The following SMIM35 variants were observed in gnomAD, a reference collection of about 807,000 sequenced individuals.
The protein encoded by SMIM35 is small integral membrane protein 35, also known as TMPRSS4 antisense RNA 1 (non-protein coding).
intron 1 of SMIM35, among the ~76,000 whole-genome samples, chr11:118,086,221 C>G (rs749780859): frequency 1.3e-5 from 2 of 152,194 alleles, no homozygotes; most frequent in Non-Finnish European, 2.9e-5. Flanking sequence ...GAGCTATGCC[C>G]GAACACAAAA....
At chr11:118,048,962 A>AAAAAAAAAAAAAAAAAAG in intron 1 of SMIM35, among the ~76,000 whole-genome samples, 1 of 150,582 alleles carries the variant, frequency 6.6e-6, no homozygotes, top group Non-Finnish European at 1.5e-5. Context: ...AAAAAAAAAA[A>AAAAAAAAAAAAAAAAAAG]AAGCAAGTGA....
At chr11:118,034,542 G>A (rs1022259246) in intron 1 of SMIM35, among the ~76,000 whole-genome samples, 5 of 152,188 alleles carry the variant, frequency 3.3e-5, no homozygotes, top group Admixed American at 3.3e-4. Context: ...GGGCAACATG[G>A]CAAGACCCCC....
chr11:118,076,832 A>AG (rs375158397), intron 1 of SMIM35, among the ~76,000 whole-genome samples: 9 of 151,834 alleles, frequency 5.9e-5, no homozygotes, highest in Non-Finnish European at 1.2e-4. Flanking sequence ...AGGTAGGGGG[A>AG]GGGGGGGCGG....
chr11:118,010,587 T>C (rs2058144697), intron 4 of SMIM35, among the ~76,000 whole-genome samples: 1 of 152,134 alleles, frequency 6.6e-6, no homozygotes, highest in Admixed American at 6.5e-5. Context: ...ATGGAGGAAA[T>C]GTGGCCACCT....
intron 1 of SMIM35, among the ~76,000 whole-genome samples, chr11:118,054,231 C>T (rs1372014980): frequency 6.6e-6 from 1 of 150,562 alleles, no homozygotes; most frequent in Non-Finnish European, 1.5e-5. Context: ...AAATTTGGCT[C>T]CCTGAAAGTG....
At chr11:118,060,703 C>G (rs1392950386) in intron 1 of SMIM35, among the ~76,000 whole-genome samples, 2 of 152,156 alleles carry the variant, frequency 1.3e-5, no homozygotes, top group African/African-American at 2.4e-5. Flanking sequence ...CAGGGTGTCC[C>G]TCTGGCTGTT....
intron 1 of SMIM35, among the ~76,000 whole-genome samples, chr11:118,016,212 C>A (rs2058182160): frequency 1.3e-5 from 2 of 152,150 alleles, no homozygotes; most frequent in Admixed American, 6.5e-5. Context: ...TCAGTCCCCC[C>A]ACCCCTTTGC....
At position 118,049,628 on chromosome 11, in the gene SMIM35, C is replaced by T; in HGVS notation, c.8-33819G>A. ...CCTCCCAAAGTGCTGGGATTACAGG[C>T]ATGAGCCACCGCACCTGGCCCATCC... On this transcript the variant is annotated intron_variant, in intron 1 of 4. Transcript: ENST00000689828. Among the ~76,000 whole-genome samples, 2 of 152,090 alleles carry T rather than the reference C, an allele frequency of 1.3e-5. 1 individual carries two copies. The highest frequency in any genetic ancestry group is 6.3e-3 in the Middle Eastern group (2 of 316).
chr11:118,012,086 A>T (rs919797496), intron 4 of SMIM35, among the ~76,000 whole-genome samples: 2 of 152,168 alleles, frequency 1.3e-5, no homozygotes, highest in Non-Finnish European at 2.9e-5. Flanking sequence ...ACAGGAAGAG[A>T]AATCACACAG....
intron 1 of SMIM35, chr11:118,028,746 A>G (rs775638963): frequency 4.7e-6 from 2 of 427,482 alleles, no homozygotes; most frequent in East Asian, 1.4e-4. Context: ...GAGGTTGGGG[A>G]AGAAGATGGA....
chr11:118,014,384 AGATGGATGGATGGATGGATGGATG>A (rs72362173), intron 3 of SMIM35, among the ~76,000 whole-genome samples: 3 of 146,964 alleles, frequency 2.0e-5, no homozygotes, highest in South Asian at 2.3e-4. Flanking sequence ...CTTGGGGGAG[AGATGGATGGATGGATGGATGGATG>A]GATGGATGGA....
intron 1 of SMIM35, among the ~76,000 whole-genome samples, chr11:118,043,894 A>G (rs562683013): frequency 2.9e-4 from 44 of 151,396 alleles, no homozygotes; most frequent in African/African-American, 1.0e-3. Context: ...GCTAAAGGGT[A>G]TGGGTTTTTT....
intron 1 of SMIM35, among the ~76,000 whole-genome samples, chr11:118,045,941 G>T (rs1334455071): frequency 6.6e-6 from 1 of 152,202 alleles, no homozygotes; most frequent in African/African-American, 2.4e-5. Flanking sequence ...CTCTTATGTT[G>T]AAATGGGGAT....
intron 4 of SMIM35, among the ~76,000 whole-genome samples, chr11:118,007,057 A>G (rs374654868): frequency 2.0e-5 from 3 of 152,270 alleles, no homozygotes; most frequent in Admixed American, 6.5e-5. Context: ...ACACACACAC[A>G]CGCACACGCA....
chr11:118,055,097 G>A (rs732403), intron 1 of SMIM35, among the ~76,000 whole-genome samples: 41,722 of 152,026 alleles, frequency 0.27, 6,037 homozygotes, highest in Non-Finnish European at 0.32. Flanking sequence ...GAGCCACTGC[G>A]CCTGGCCTAA....
intron 1 of SMIM35, among the ~76,000 whole-genome samples, chr11:118,059,824 G>A (rs1408322374): frequency 6.6e-6 from 1 of 152,196 alleles, no homozygotes; most frequent in Admixed American, 6.5e-5. Context: ...ACAGGGTGAG[G>A]TGCTCAATCC....
intron 1 of SMIM35, among the ~76,000 whole-genome samples, chr11:118,020,044 A>T (rs1485830844): frequency 1.3e-5 from 2 of 152,142 alleles, no homozygotes; most frequent in Non-Finnish European, 2.9e-5. Context: ...TGTCGGATCA[A>T]CTGAGGTCAG....
intron 1 of SMIM35, among the ~76,000 whole-genome samples, chr11:118,033,688 C>T (rs2135061970): frequency 6.6e-6 from 1 of 152,268 alleles, no homozygotes; most frequent in East Asian, 1.9e-4. Context: ...GGGGGCACTT[C>T]AAGATGACAG....
At chr11:118,073,395 A>T (rs1185428691) in intron 1 of SMIM35, among the ~76,000 whole-genome samples, 1 of 152,250 alleles carries the variant, frequency 6.6e-6, no homozygotes, top group African/African-American at 2.4e-5. Flanking sequence ...ACCCCAGGCC[A>T]CTAGAGCTCA....
Sources: gnomAD v4.1 joint callset for allele counts (sites outside exome capture counted in the v4.1 genomes callset) on GRCh38, gnomAD v4.1.1 for gene constraint, MANE v1.5 for transcripts, NCBI Gene and HGNC (gene_info 2026-07-23, HGNC 2026-07-21) for gene names.